SALL3: variants seen among roughly 807,000 people sequenced by gnomAD.
SALL3 encodes sal-like protein 3.
Under a neutral mutation model 66.2 loss-of-function variants are expected in SALL3, and 25 were observed. That is an observed-to-expected ratio of 0.38 (90% confidence interval 0.28 to 0.53). SALL3 has a LOEUF of 0.53. SALL3 is among the 20% of genes least tolerant of loss of function. The pLI is 0.85. For missense variants in SALL3, 2,194 were observed against 1,916.5 expected, an observed-to-expected ratio of 1.14 and a Z score of -2.70; for synonymous variants, 1,152 against 899.1, an observed-to-expected ratio of 1.28 and a Z score of -5.03.
chr18:78,992,238 C>G lies in SALL3; in HGVS notation c.247C>G (p.His83Asp), dbSNP rs1490214833. The G allele has an allele frequency of 6.3e-7, 1 of 1,594,850 alleles. No individual in the cohort carries two copies. The highest frequency in any genetic ancestry group is 8.5e-7 in the Non-Finnish European group (1 of 1,174,152). ...CAAGCTCCCGCCCGTGCTGATCGTGCACGAGGACGCGCCCGCGCCGCCCCC... is the reference window on the plus strand; with the variant it reads ...CAAGCTCCCGCCCGTGCTGATCGTGGACGAGGACGCGCCCGCGCCGCCCCC... The part of the protein sequence containing the change: ...CTKLPPVLIV[H>D]EDAPAPPPED... Residue 83 changes from histidine (H) to aspartate (D), a missense_variant, in exon 2 of 3, where the codon CAC (histidine) becomes GAC (aspartate). By Grantham distance (81) the His-to-Asp change is moderately conservative. Coordinates refer to ENST00000537592, the MANE Select transcript of SALL3 (RefSeq NM_171999.4).
chr18:78,995,497 T>G, intron 2 of SALL3, 35 bp downstream of exon 2: 12 of 1,496,030 alleles, frequency 8.0e-6, no homozygotes, highest in Non-Finnish European at 9.7e-6. Context: ...CCGGCTGCGG[T>G]GCGGCCGAGC....
In SALL3 at chr18:78,993,592, T is replaced by C. The variant is rs769243414; in HGVS notation, c.1601T>C (p.Val534Ala). The C allele has an allele frequency of 3.8e-5, 61 of 1,586,768 alleles. No homozygotes were observed. Among genetic ancestry groups the C allele is most frequent in the Non-Finnish European group, 2.0e-5 (24 of 1,173,018 alleles). The change falls in exon 2 of 3, where the codon GTC becomes GCC. Residue 534 changes from valine (V) to alanine (A), a missense_variant. Transcript: ENST00000537592. Reference protein sequence around the residue: ...TSVGLQLPPTVPGAHGYADSP... With the variant: ...TSVGLQLPPTAPGAHGYADSP... Reference sequence around the variant, plus strand: ...GTGGGGCTGCAACTGCCGCCCACTGTCCCTGGCGCGCACGGCTACGCCGAC... The same window carrying C: ...GTGGGGCTGCAACTGCCGCCCACTGCCCCTGGCGCGCACGGCTACGCCGAC...
intron 1 of SALL3, among the ~76,000 whole-genome samples, chr18:78,988,035 C>T (rs1300307775): frequency 6.6e-6 from 1 of 152,204 alleles, no homozygotes; most frequent in Admixed American, 6.5e-5. Context: ...AAACTTGTCA[C>T]TGTTGTACTG....
rs761436675 is a variant in SALL3, at chr18:78,993,666, G to C, written c.1675G>C (p.Ala559Pro). 1.3e-6 allele frequency: 2 copies of C among 1,587,538 alleles called. No homozygotes were observed. Among genetic ancestry groups the C allele is most frequent in the East Asian group, 4.5e-5 (2 of 44,128 alleles). The part of the protein sequence containing the change: ...ASRSPQRPSP[A>P]SSECASLSPG... Reference sequence around the variant, plus strand: ...CCGCTCCCCGCAGAGGCCCTCGCCCGCCTCCAGCGAGTGCGCCTCCTTGTC... The same window carrying C: ...CCGCTCCCCGCAGAGGCCCTCGCCCCCCTCCAGCGAGTGCGCCTCCTTGTC... Residue 559 changes from alanine to proline, a missense_variant, in exon 2 of 3, where the codon GCC (alanine) becomes CCC (proline). Transcript: ENST00000537592.
chr18:78,993,593 C>A lies in SALL3; in HGVS notation c.1602C>A (p.Val534=). 1 of 1,587,192 alleles carries A rather than the reference C, an allele frequency of 6.3e-7. No individual in the cohort carries two copies. The highest frequency in any genetic ancestry group is 8.5e-7 in the Non-Finnish European group (1 of 1,173,120). ...TGGGGCTGCAACTGCCGCCCACTGT[C>A]CCTGGCGCGCACGGCTACGCCGACT... The part of the protein sequence containing the change: ...TSVGLQLPPT[V]PGAHGYADSP... Residue 534 remains valine, a synonymous_variant, in exon 2 of 3, where the codon GTC becomes GTA. Coordinates refer to ENST00000537592, the MANE Select transcript of SALL3 (RefSeq NM_171999.4).
At position 78,996,382 on chromosome 18, in the gene SALL3, G is replaced by A. The variant is rs189195586; in HGVS notation, c.3472-509G>A. 9.2e-5 allele frequency among the ~76,000 whole-genome samples: 14 copies of A among 152,360 alleles called. 1 individual carries two copies. In the East Asian group the frequency reaches 1.7e-3, roughly 19 times the overall value. ...TGCCTGTGGTTTCTACCTGGCGTGC[G>A]TGGGCTGGATAAGAACTGCCCGCAG... On this transcript the variant is annotated intron_variant, in intron 2 of 2. Transcript: ENST00000537592.
In SALL3 at chr18:78,990,191, C is replaced by G. The variant is rs1914380295; in HGVS notation, c.83-1883C>G. On this transcript the variant is annotated intron_variant, in intron 1 of 2. Transcript: ENST00000537592. Reference sequence around the variant, plus strand: ...TGTGCCTATCTGCAGTATAAATCAGCTGTGTCTTTGCTTCCAGCTATAGTC... The same window carrying G: ...TGTGCCTATCTGCAGTATAAATCAGGTGTGTCTTTGCTTCCAGCTATAGTC... Among the ~76,000 whole-genome samples, 2 of 152,178 alleles carry G rather than the reference C, an allele frequency of 1.3e-5. 1 individual carries two copies. Among genetic ancestry groups the G allele is most frequent in the South Asian group, 4.1e-4 (2 of 4,826 alleles).
At chr18:78,989,249 C>T (rs746087453) in intron 1 of SALL3, among the ~76,000 whole-genome samples, 1 of 152,050 alleles carries the variant, frequency 6.6e-6, no homozygotes, top group Non-Finnish European at 1.5e-5. Context: ...CACTTCCCAA[C>T]ATCCATGAAT....
At chr18:78,996,090 C>T (rs1914684146) in intron 2 of SALL3, among the ~76,000 whole-genome samples, 1 of 152,228 alleles carries the variant, frequency 6.6e-6, no homozygotes, top group East Asian at 1.9e-4. Context: ...CCCTGTCGTT[C>T]TGTCCGTGTG....
At chr18:78,983,392 T>C (rs1419090339) in intron 1 of SALL3, among the ~76,000 whole-genome samples, 5 of 152,236 alleles carry the variant, frequency 3.3e-5, no homozygotes, top group Non-Finnish European at 7.3e-5. Flanking sequence ...TAAAATATAA[T>C]TTAAGAAAGA....
Position 78,992,566 on chromosome 18 carries a change from G to C in SALL3, c.575G>C (p.Gly192Ala). 3 of 1,505,080 alleles carry C rather than the reference G, an allele frequency of 2.0e-6. No homozygotes were observed. Among genetic ancestry groups the C allele is most frequent in the Non-Finnish European group, 2.6e-6 (3 of 1,134,972 alleles). 93.2% of individuals were successfully genotyped at this position (1,505,080 alleles called of 1,614,324 possible). Residue 192 changes from glycine (G) to alanine (A), a missense_variant, in exon 2 of 3, where the codon GGA becomes GCA. Transcript: ENST00000537592. ...SQGARAAGGS[G>A]AGGGVAAAAV... ...GGCGCGCGCGCGGCAGGCGGCTCGGGAGCAGGTGGAGGCGTGGCAGCTGCA... is the reference window on the plus strand; with the variant it reads ...GGCGCGCGCGCGGCAGGCGGCTCGGCAGCAGGTGGAGGCGTGGCAGCTGCA...
At chr18:78,996,608 G>A (rs909179315) in intron 2 of SALL3, among the ~76,000 whole-genome samples, 8 of 152,306 alleles carry the variant, frequency 5.3e-5, no homozygotes, top group African/African-American at 9.6e-5. Flanking sequence ...CATTCTCTGC[G>A]TGGCCATGTG....
At position 78,992,418 on chromosome 18, in the gene SALL3, C is replaced by G. The variant is rs1171007428; in HGVS notation, c.427C>G (p.Arg143Gly). The G allele has an allele frequency of 2.2e-6, 3 of 1,336,154 alleles. No individual in the cohort carries two copies. Among genetic ancestry groups the G allele is most frequent in the Non-Finnish European group, 2.9e-6 (3 of 1,052,108 alleles). 82.8% of individuals were successfully genotyped at this position (1,336,154 alleles called of 1,614,324 possible). A position where few individuals can be genotyped will look rare whatever the true frequency, so the allele number is the denominator to read the frequency against. The change falls in exon 2 of 3, where the codon CGC becomes GGC. Residue 143 changes from arginine (R) to glycine (G), a missense_variant. Transcript: ENST00000537592. ...GGACGCGGAACCCGCGGGGGACACG[C>G]GCGCGCCCCGGCCCCCGCCTGCGGC... ...PMDAEPAGDT[R>G]APRPPPAAPA...
chr18:78,993,739 C>T lies in SALL3; in HGVS notation c.1748C>T (p.Ser583Phe), dbSNP rs940000067. Residue 583 changes from serine (S) to phenylalanine (F), a missense_variant, in exon 2 of 3, where the codon TCC becomes TTC. Transcript: ENST00000537592. ...TCCGGCGTGTCGGCCACCGCCGAGT[C>T]CCCACAGTCGCTCCTCGGCGGGCCG... is the stretch of plus-strand genomic sequence containing the variant. Reference protein sequence around the residue: ...VESGVSATAESPQSLLGGPPL... With the variant: ...VESGVSATAEFPQSLLGGPPL... 6.4e-7 allele frequency: 1 copy of T among 1,552,160 alleles called. No homozygotes were observed. The highest frequency in any genetic ancestry group is 8.6e-7 in the Non-Finnish European group (1 of 1,157,696).
chr18:78,986,495 G>A (rs1286303669), intron 1 of SALL3, among the ~76,000 whole-genome samples: 1 of 152,238 alleles, frequency 6.6e-6, no homozygotes, highest in Admixed American at 6.5e-5. Context: ...CTGTTTCACA[G>A]CTTGGGCTCA....
chr18:78,982,788 ATAAT>A (rs1914116347), intron 1 of SALL3, among the ~76,000 whole-genome samples: 1 of 152,230 alleles, frequency 6.6e-6, no homozygotes, highest in Admixed American at 6.5e-5. Flanking sequence ...AACGAGGTAA[ATAAT>A]TCCTTTGTAT....
Position 78,996,967 on chromosome 18 carries a change from C to G in SALL3, c.3548C>G (p.Ala1183Gly), listed in dbSNP as rs748260699. The G allele has an allele frequency of 1.2e-6, 2 of 1,613,878 alleles. No individual in the cohort carries two copies. Among genetic ancestry groups the G allele is most frequent in the Admixed American group, 1.7e-5 (1 of 60,014 alleles). The change falls in exon 3 of 3, where the codon GCT (alanine) becomes GGT (glycine). Residue 1183 changes from alanine (A) to glycine (G), a missense_variant. By Grantham distance (60) the Ala-to-Gly change is moderately conservative. Transcript: ENST00000537592. The part of the protein sequence containing the change: ...GRRLSVENPM[A>G]LLGGDALKFS... ...CGCCTGTCTGTGGAGAACCCCATGGCTCTCCTAGGGGGTGATGCCCTGAAG... is the reference window on the plus strand; with the variant it reads ...CGCCTGTCTGTGGAGAACCCCATGGGTCTCCTAGGGGGTGATGCCCTGAAG...
Position 78,979,953 on chromosome 18 carries a change from G to C in SALL3, c.-322G>C, listed in dbSNP as rs1258451170. Reference sequence around the variant, plus strand: ...GCCGAGGAGCGCGGCGCCGGAGCCCGCGATGTGAGGCGGCGCCGGGCAGCG... The same window carrying C: ...GCCGAGGAGCGCGGCGCCGGAGCCCCCGATGTGAGGCGGCGCCGGGCAGCG... On this transcript the variant is annotated 5_prime_UTR_variant, in exon 1 of 3. Transcript: ENST00000537592. Among the ~76,000 whole-genome samples, 2 of 144,482 alleles carry C rather than the reference G, an allele frequency of 1.4e-5. No individual in the cohort carries two copies. The highest frequency in any genetic ancestry group is 6.8e-5 in the Admixed American group (1 of 14,652). The allele number at this position is 144,482 out of a possible 152,430, so 94.8% of individuals were successfully genotyped here. A position where few individuals can be genotyped will look rare whatever the true frequency, so the allele number is the denominator to read the frequency against.
intron 1 of SALL3, among the ~76,000 whole-genome samples, chr18:78,982,976 AG>A (rs1312369454): frequency 1.3e-5 from 2 of 152,256 alleles, no homozygotes; most frequent in African/African-American, 4.8e-5. Context: ...CTCTTAAAAA[AG>A]AATTATGATT....
Sources: allele counts gnomAD v4.1 joint callset (sites outside exome capture counted in the v4.1 genomes callset), GRCh38; gene constraint gnomAD v4.1.1; transcripts MANE v1.5; gene names NCBI Gene and HGNC (gene_info 2026-07-23, HGNC 2026-07-21).